OR10J1: variants seen among roughly 807,000 people sequenced by gnomAD.
OR10J1 encodes olfactory receptor 10J1.
For missense variants in OR10J1, 474 were observed against 376.6 expected (o/e 1.26, Z -2.14); for synonymous variants, 202 against 143.8 (o/e 1.40, Z -2.89).
the OR10J1 span, among the ~76,000 whole-genome samples, chr1:159,401,201 GAATA>G: frequency 1.3e-5 from 2 of 150,894 alleles, no homozygotes; most frequent in African/African-American, 4.9e-5. Flanking sequence ...TATAGAACTA[GAATA>G]GCAAGAGCAA....
At chr1:159,417,152 C>A in the OR10J1 span, among the ~76,000 whole-genome samples, 6 of 152,006 alleles carry the variant, frequency 3.9e-5, no homozygotes, top group Admixed American at 3.9e-4. Context: ...TGAAGTAAAT[C>A]ATTAGATTGT....
the OR10J1 span, among the ~76,000 whole-genome samples, chr1:159,412,883 C>T: frequency 2.2e-3 from 332 of 151,708 alleles, 16 homozygotes; most frequent in East Asian, 0.059. Context: ...AAGAAACTAC[C>T]ATCAGAGTGA....
At chr1:159,411,210 A>G in the OR10J1 span, among the ~76,000 whole-genome samples, 39 of 152,288 alleles carry the variant, frequency 2.6e-4, no homozygotes, top group Non-Finnish European at 4.9e-4. Flanking sequence ...GATGTCTATT[A>G]GGTTCACTTG....
At chr1:159,405,727 A>T in the OR10J1 span, 1 of 809,918 alleles carries the variant, frequency 1.2e-6, no homozygotes, top group African/African-American at 1.7e-5. Context: ...GTCATAGGAG[A>T]TAAAGATCAG....
At chr1:159,409,039 A>G in the OR10J1 span, among the ~76,000 whole-genome samples, 1 of 152,070 alleles carries the variant, frequency 6.6e-6, no homozygotes, top group Non-Finnish European at 1.5e-5. Context: ...TGAATTTGAT[A>G]TGTCCGTCAT....
chr1:159,412,316 T>C, the OR10J1 span, among the ~76,000 whole-genome samples: 1 of 146,702 alleles, frequency 6.8e-6, no homozygotes, highest in South Asian at 2.1e-4. Context: ...ATGACTTTCT[T>C]CACAGAATTG....
Position 159,440,040 on chromosome 1 carries a change from C to T in OR10J1, c.249C>T (p.Ser83=), listed in dbSNP as rs1332174034. 1 of 1,614,032 alleles carries T rather than the reference C, an allele frequency of 6.2e-7. No homozygotes were observed. The highest frequency in any genetic ancestry group is 8.5e-7 in the Non-Finnish European group (1 of 1,180,028). Residue 83 remains serine (S), a synonymous_variant, in exon 1 of 1, where the codon TCC becomes TCT. Coordinates refer to ENST00000423932, the MANE Select transcript of OR10J1 (RefSeq NM_012351.3). Reference sequence around the variant, plus strand: ...TGGTCATTCTCCCAAGAATGCTCTCCAGCCTCGTAGGTATGAGCCAGCCCA... The same window carrying T: ...TGGTCATTCTCCCAAGAATGCTCTCTAGCCTCGTAGGTATGAGCCAGCCCA... The part of the protein sequence containing the change: ...YTLVILPRML[S]SLVGMSQPIS...
the OR10J1 span, among the ~76,000 whole-genome samples, chr1:159,413,871 TA>T: frequency 6.7e-6 from 1 of 148,456 alleles, no homozygotes; most frequent in Non-Finnish European, 1.5e-5. Context: ...AGTAAATAAA[TA>T]AAAATAAAAA....
At chr1:159,414,571 C>T in the OR10J1 span, among the ~76,000 whole-genome samples, 1 of 150,812 alleles carries the variant, frequency 6.6e-6, no homozygotes, top group East Asian at 2.0e-4. Context: ...GATATCTCTT[C>T]AATATATTGA....
At chr1:159,406,378 C>G in the OR10J1 span, 1 of 413,904 alleles carries the variant, frequency 2.4e-6, no homozygotes, top group Non-Finnish European at 4.8e-6. Context: ...TGAAGAATGT[C>G]TAAATCTGAA....
At chr1:159,398,451 C>A in the OR10J1 span, among the ~76,000 whole-genome samples, 1 of 152,066 alleles carries the variant, frequency 6.6e-6, no homozygotes, top group Non-Finnish European at 1.5e-5. Flanking sequence ...AGATATGTGA[C>A]CTTTCAGAAA....
chr1:159,406,075 A>G, the OR10J1 span: 7 of 428,352 alleles, frequency 1.6e-5, no homozygotes, highest in Non-Finnish European at 2.7e-5. Context: ...TGAGTGACAC[A>G]GCCTTGCATG....
At chr1:159,415,329 C>T in the OR10J1 span, among the ~76,000 whole-genome samples, 2 of 152,022 alleles carry the variant, frequency 1.3e-5, no homozygotes, top group Non-Finnish European at 2.9e-5. Flanking sequence ...AAGAAGGTAT[C>T]CTTTTCCCAA....
chr1:159,423,624 T>C, the OR10J1 span, among the ~76,000 whole-genome samples: 2 of 152,178 alleles, frequency 1.3e-5, no homozygotes, highest in Admixed American at 1.3e-4. Flanking sequence ...AAGTGCAGTG[T>C]AGACAATGAG....
At chr1:159,411,568 C>A in the OR10J1 span, among the ~76,000 whole-genome samples, 4 of 152,036 alleles carry the variant, frequency 2.6e-5, no homozygotes, top group Non-Finnish European at 5.9e-5. Context: ...TTCCTCCATC[C>A]TTTTATTTTG....
the OR10J1 span, among the ~76,000 whole-genome samples, chr1:159,404,624 C>A: frequency 3.3e-5 from 5 of 152,156 alleles, 1 homozygote; most frequent in South Asian, 1.0e-3. Flanking sequence ...AGAACAGTGA[C>A]AGCCTTGCCT....
chr1:159,419,982 AT>A, the OR10J1 span, among the ~76,000 whole-genome samples: 1 of 152,078 alleles, frequency 6.6e-6, no homozygotes, highest in Non-Finnish European at 1.5e-5. Flanking sequence ...ATGTAATAAT[AT>A]TTTTTGTATA....
chr1:159,434,139 A>C (rs960780303), upstream of OR10J1, among the ~76,000 whole-genome samples: 6 of 152,084 alleles, frequency 3.9e-5, no homozygotes, highest in African/African-American at 1.4e-4. Flanking sequence ...ATTCTTTTTT[A>C]TGGATGAGGA....
the OR10J1 span, among the ~76,000 whole-genome samples, chr1:159,410,546 C>A: frequency 6.6e-6 from 1 of 152,082 alleles, no homozygotes; most frequent in Admixed American, 6.6e-5. Flanking sequence ...GTGGTGATAT[C>A]CCCTTGATCT....
Sources: gnomAD v4.1 joint callset for allele counts (sites outside exome capture counted in the v4.1 genomes callset) on GRCh38, gnomAD v4.1.1 for gene constraint, MANE v1.5 for transcripts, NCBI Gene and HGNC (gene_info 2026-07-23, HGNC 2026-07-21) for gene names.